Variants in MRTFB observed in about 807,000 individuals in gnomAD.
MRTFB encodes the protein myocardin-related transcription factor B.
In MRTFB, 29 loss-of-function variants were observed where a neutral mutation model predicts 104.2. That is an observed-to-expected ratio of 0.28 (90% CI 0.21 to 0.38). MRTFB has a LOEUF of 0.38. Among genes scored for constraint, MRTFB ranks in the 10% least tolerant of loss-of-function variants. The pLI, the probability that MRTFB is intolerant of heterozygous loss-of-function variation, is 1.00. For missense variants in MRTFB, 1,270 were observed against 1,341.6 expected (o/e 0.95, Z 0.83); for synonymous variants, 535 against 519.5 (o/e 1.03, Z -0.41).
chr16:14,045,964 G>A, the MRTFB span, among the ~76,000 whole-genome samples: 17 of 152,252 alleles, frequency 1.1e-4, no homozygotes, highest in Admixed American at 3.3e-4. Context: ...AATAGATACC[G>A]GAAAATATTA....
intron 15 of MRTFB, 93 bp downstream of exon 15, chr16:14,252,595 C>A: frequency 7.2e-7 from 1 of 1,386,740 alleles, no homozygotes; most frequent in Non-Finnish European, 9.6e-7. Context: ...TTGTCTGAAA[C>A]TGACTTGCCT....
At chr16:14,147,982 C>G (rs1402107095) in intron 3 of MRTFB, among the ~76,000 whole-genome samples, 1 of 152,140 alleles carries the variant, frequency 6.6e-6, no homozygotes, top group African/African-American at 2.4e-5. Flanking sequence ...TCTATAGTTA[C>G]TGAAGTCACA....
chr16:14,143,560 T>TA (rs370234479), intron 3 of MRTFB: 2 of 151,496 alleles, frequency 1.3e-5, no homozygotes, highest in African/African-American at 4.9e-5. Context: ...GTACACAACG[T>TA]GCAGGTTAGT....
chr16:14,115,607 C>T (rs535469027), intron 2 of MRTFB, among the ~76,000 whole-genome samples: 1 of 152,160 alleles, frequency 6.6e-6, no homozygotes, highest in South Asian at 2.1e-4. Flanking sequence ...TGACATGTAC[C>T]ACCCAGTGAA....
chr16:14,249,156 T>C, intron 13 of MRTFB, 75 bp downstream of exon 13: 2 of 1,516,648 alleles, frequency 1.3e-6, no homozygotes, highest in Non-Finnish European at 1.8e-6. Context: ...ACAAGCATCT[T>C]TGTAAACGCC....
chr16:14,157,279 C>G (rs961874156), intron 3 of MRTFB, among the ~76,000 whole-genome samples: 1 of 152,038 alleles, frequency 6.6e-6, no homozygotes, highest in Admixed American at 6.6e-5. Flanking sequence ...TATTGAACAC[C>G]AGAGCTTTAA....
intron 3 of MRTFB, chr16:14,143,133 CAT>C (rs905637008): frequency 1.0e-4 from 15 of 147,336 alleles, no homozygotes; most frequent in African/African-American, 3.7e-4. Flanking sequence ...AGCTTTGTAA[CAT>C]GTGCATGATT....
At chr16:14,233,878 TCTGA>T in intron 8 of MRTFB, among the ~76,000 whole-genome samples, 1 of 152,234 alleles carries the variant, frequency 6.6e-6, no homozygotes, top group Non-Finnish European at 1.5e-5. Flanking sequence ...AAGAGTGGGT[TCTGA>T]CTGTCTTTTT....
chr16:14,085,323 G>T (rs1596744910), intron 2 of MRTFB, among the ~76,000 whole-genome samples: 1 of 151,920 alleles, frequency 6.6e-6, no homozygotes, highest in Admixed American at 6.5e-5. Flanking sequence ...CAGGTGTGGT[G>T]GCGGGCGCCT....
At chr16:14,082,778 T>G (rs1383458830) in intron 2 of MRTFB, among the ~76,000 whole-genome samples, 2 of 152,026 alleles carry the variant, frequency 1.3e-5, no homozygotes, top group Non-Finnish European at 2.9e-5. Flanking sequence ...AAGACTGTCT[T>G]AATAAAATAA....
At chr16:14,084,841 A>T (rs975031096) in intron 2 of MRTFB, among the ~76,000 whole-genome samples, 1 of 152,226 alleles carries the variant, frequency 6.6e-6, no homozygotes, top group Non-Finnish European at 1.5e-5. Context: ...TTTCATATGA[A>T]GCATATACCA....
chr16:14,036,296 T>TTTTATATATATA, the MRTFB span, among the ~76,000 whole-genome samples: 5 of 98,354 alleles, frequency 5.1e-5, no homozygotes, highest in Non-Finnish European at 8.1e-5. Flanking sequence ...TTATATATAT[T>TTTTATATATATA]TATATATATA....
intron 3 of MRTFB, chr16:14,141,335 C>T (rs903130575): frequency 6.6e-6 from 1 of 152,360 alleles, no homozygotes; most frequent in African/African-American, 2.4e-5. Flanking sequence ...AGAGATATTC[C>T]AGAGTCTCCA....
chr16:14,138,244 A>G (rs1412336543), intron 2 of MRTFB, among the ~76,000 whole-genome samples: 1 of 152,070 alleles, frequency 6.6e-6, no homozygotes, highest in Admixed American at 6.5e-5. Flanking sequence ...AATGATGATA[A>G]TGTAGAATAT....
At chr16:14,008,691 G>A in the MRTFB span, among the ~76,000 whole-genome samples, 51,129 of 151,958 alleles carry the variant, frequency 0.34, 10,018 homozygotes, top group Non-Finnish European at 0.44. Context: ...TGAATTTTAG[G>A]ATTGGTTTGT....
the MRTFB span, among the ~76,000 whole-genome samples, chr16:14,036,255 A>G: frequency 4.0e-5 from 5 of 123,470 alleles, no homozygotes; most frequent in African/African-American, 1.5e-4. Flanking sequence ...GTTATACTAT[A>G]TATTATATAT....
chr16:14,225,726 G>A (rs1597305792), intron 8 of MRTFB, among the ~76,000 whole-genome samples: 2 of 151,936 alleles, frequency 1.3e-5, no homozygotes, highest in Admixed American at 6.6e-5. Flanking sequence ...ACAGGGTTTC[G>A]CCATATTGAC....
the MRTFB span, among the ~76,000 whole-genome samples, chr16:14,017,641 GTATATA>G: frequency 0.079 from 4,658 of 58,862 alleles, 534 homozygotes; most frequent in Non-Finnish European, 0.11. Flanking sequence ...ATATATATAT[GTATATA>G]TGTGTGTGTG....
intron 3 of MRTFB, among the ~76,000 whole-genome samples, chr16:14,180,087 G>A (rs765006170): frequency 6.6e-5 from 10 of 152,088 alleles, no homozygotes; most frequent in African/African-American, 9.7e-5. Context: ...CAGAAGCACC[G>A]GTATAAAGAA....
Sources: gnomAD v4.1 joint callset for allele counts (sites outside exome capture counted in the v4.1 genomes callset) on GRCh38, gnomAD v4.1.1 for gene constraint, MANE v1.5 for transcripts, NCBI Gene and HGNC (gene_info 2026-07-23, HGNC 2026-07-21) for gene names.